Variants in GALNTL6 observed in about 807,000 individuals in gnomAD.
GALNTL6 encodes the protein polypeptide N-acetylgalactosaminyltransferase like 6.
GALNTL6 carries 46 observed loss-of-function variants against 73.7 expected under a neutral mutation model. That is an observed-to-expected ratio of 0.62 (90% confidence interval 0.49 to 0.80). The LOEUF (loss-of-function observed/expected upper bound fraction) is 0.80. Ranked by LOEUF, GALNTL6 falls within the 30% of genes least tolerant of loss-of-function variation. The pLI is 0.00. For missense variants in GALNTL6, 604 were observed against 755.0 expected (o/e 0.80, Z 2.34); for synonymous variants, 259 against 263.7 (o/e 0.98, Z 0.17).
At chr4:172,282,802 A>T (rs1561004993) in intron 3 of GALNTL6, among the ~76,000 whole-genome samples, 1 of 152,184 alleles carries the variant, frequency 6.6e-6, no homozygotes, top group African/African-American at 2.4e-5. Flanking sequence ...TAATCAAATG[A>T]ATAAAAGGTT....
chr4:172,066,294 A>T (rs1162788578), intron 2 of GALNTL6, among the ~76,000 whole-genome samples: 1 of 152,114 alleles, frequency 6.6e-6, no homozygotes, highest in African/African-American at 2.4e-5. Context: ...TGATCTCTTT[A>T]CTATCTCCAT....
At chr4:172,927,488 A>G (rs145766939) in intron 8 of GALNTL6, among the ~76,000 whole-genome samples, 40 of 152,286 alleles carry the variant, frequency 2.6e-4, no homozygotes, top group Non-Finnish European at 5.0e-4. Context: ...AGCACCATAA[A>G]GCAACTGTTT....
intron 5 of GALNTL6, among the ~76,000 whole-genome samples, chr4:172,782,343 C>T (rs1362309820): frequency 6.6e-6 from 1 of 152,066 alleles, no homozygotes; most frequent in Non-Finnish European, 1.5e-5. Context: ...GAAAGTGGGA[C>T]TGTGAATAAG....
intron 2 of GALNTL6, among the ~76,000 whole-genome samples, chr4:172,153,571 A>T (rs1223947123): frequency 6.6e-6 from 1 of 152,228 alleles, no homozygotes; most frequent in African/African-American, 2.4e-5. Context: ...AAATCATTTT[A>T]CATAAAAACT....
At chr4:172,412,449 C>G (rs1172849027) in intron 5 of GALNTL6, among the ~76,000 whole-genome samples, 1 of 152,118 alleles carries the variant, frequency 6.6e-6, no homozygotes, top group Non-Finnish European at 1.5e-5. Context: ...CCATTTATGC[C>G]AGGAGCAGGG....
At chr4:173,002,682 C>A (rs1387655289) in intron 10 of GALNTL6, among the ~76,000 whole-genome samples, 1 of 150,718 alleles carries the variant, frequency 6.6e-6, no homozygotes. Context: ...GTGGTCCCAG[C>A]TACTTGGGAG....
intron 2 of GALNTL6, among the ~76,000 whole-genome samples, chr4:171,855,387 C>T (rs1735660075): frequency 6.6e-6 from 1 of 152,172 alleles, no homozygotes. Context: ...GCAGCCTTTT[C>T]AGATTGGTTT....
chr4:172,919,610 CT>C (rs1747695428), intron 8 of GALNTL6, among the ~76,000 whole-genome samples: 1 of 152,164 alleles, frequency 6.6e-6, no homozygotes, highest in Non-Finnish European at 1.5e-5. Flanking sequence ...AGAAAGTCAA[CT>C]TTTTAAAAAT....
chr4:172,610,063 T>C (rs1027875269), intron 5 of GALNTL6, among the ~76,000 whole-genome samples: 4 of 152,008 alleles, frequency 2.6e-5, no homozygotes, highest in African/African-American at 9.7e-5. Context: ...TTTCTAATTG[T>C]GTTTATTTGG....
chr4:171,874,381 G>A (rs185603540), intron 2 of GALNTL6, among the ~76,000 whole-genome samples: 2 of 152,166 alleles, frequency 1.3e-5, no homozygotes, highest in East Asian at 3.9e-4. Flanking sequence ...GTCGAGACAG[G>A]GTTTCACAAT....
chr4:172,579,278 C>T (rs1054772799), intron 5 of GALNTL6, among the ~76,000 whole-genome samples: 3 of 152,132 alleles, frequency 2.0e-5, no homozygotes, highest in African/African-American at 4.8e-5. Flanking sequence ...GGTATATAAT[C>T]AAAATTTTTT....
intron 2 of GALNTL6, among the ~76,000 whole-genome samples, chr4:172,078,507 T>G (rs1156894807): frequency 1.3e-5 from 2 of 152,210 alleles, no homozygotes; most frequent in Non-Finnish European, 2.9e-5. Context: ...AGAATTTTAT[T>G]TATTGATATG....
intron 2 of GALNTL6, among the ~76,000 whole-genome samples, chr4:171,835,061 A>T (rs560585680): frequency 1.3e-3 from 200 of 152,150 alleles, no homozygotes; most frequent in Non-Finnish European, 2.4e-3. Context: ...TCTTCTTGCC[A>T]TCTCTCTCTG....
At chr4:172,657,421 G>A (rs1403698008) in intron 5 of GALNTL6, among the ~76,000 whole-genome samples, 1 of 152,124 alleles carries the variant, frequency 6.6e-6, no homozygotes, top group African/African-American at 2.4e-5. Context: ...AGTAAAATAA[G>A]CCCATAGCTG....
intron 2 of GALNTL6, among the ~76,000 whole-genome samples, chr4:171,919,804 C>G (rs1737730934): frequency 6.6e-6 from 1 of 152,098 alleles, no homozygotes; most frequent in Non-Finnish European, 1.5e-5. Context: ...TCCTGTTTCC[C>G]TCTGGGACTG....
At chr4:172,463,252 G>A (rs1435196319) in intron 5 of GALNTL6, among the ~76,000 whole-genome samples, 1 of 151,562 alleles carries the variant, frequency 6.6e-6, no homozygotes, top group African/African-American at 2.4e-5. Flanking sequence ...AATATCAAAT[G>A]AGGGAGAAAG....
In GALNTL6 at chr4:172,813,501, C is replaced by A. The variant is rs764746205; in HGVS notation, c.740-39C>A. The A allele has an allele frequency of 8.5e-6, 13 of 1,522,062 alleles. No homozygotes were observed. The East Asian group carries it at 3.0e-4, about 35-fold the overall frequency. 94.3% of individuals were successfully genotyped at this position (1,522,062 alleles called of 1,614,324 possible). A position where few individuals can be genotyped will look rare whatever the true frequency, so the allele number is the denominator to read the frequency against. ...GCTGAAAAATGATAGATGACCTAGG[C>A]AGGCATGTCATTTCCTATTTTGTGC... On this transcript the variant is annotated intron_variant, in intron 6 of 12. Coordinates refer to ENST00000506823, the MANE Select transcript of GALNTL6 (RefSeq NM_001034845.3).
At chr4:172,225,414 T>C (rs1196615870) in intron 2 of GALNTL6, among the ~76,000 whole-genome samples, 2 of 136,580 alleles carry the variant, frequency 1.5e-5, no homozygotes, top group Non-Finnish European at 3.2e-5. Flanking sequence ...TTAATGAATT[T>C]GACTTTTTTT....
chr4:173,025,084 G>A (rs1315910165), intron 12 of GALNTL6, among the ~76,000 whole-genome samples: 1 of 152,114 alleles, frequency 6.6e-6, no homozygotes, highest in Non-Finnish European at 1.5e-5. Context: ...TTGCTTCCTG[G>A]TTTCAGCAAC....
Sources: allele counts gnomAD v4.1 joint callset (sites outside exome capture counted in the v4.1 genomes callset), GRCh38; gene constraint gnomAD v4.1.1; transcripts MANE v1.5; gene names NCBI Gene and HGNC (gene_info 2026-07-23, HGNC 2026-07-21).